Variants in OR7C1 observed in about 807,000 individuals in gnomAD.
The protein encoded by OR7C1 is olfactory receptor 7C1.
For missense variants in OR7C1, 324 were observed against 383.3 expected (o/e 0.85, Z 1.29); for synonymous variants, 152 against 160.7 (o/e 0.95, Z 0.41).
chr19:14,800,029 T>A, exon 5 of OR7C1: 1 of 1,614,002 alleles, frequency 6.2e-7, no homozygotes, highest in South Asian at 1.1e-5. Flanking sequence ...TGAAAGTGAC[T>A]AGGTACATGG....
intron 2 of OR7C1, among the ~76,000 whole-genome samples, chr19:14,806,149 T>C (rs771202490): frequency 5.3e-5 from 8 of 151,956 alleles, no homozygotes; most frequent in Non-Finnish European, 1.0e-4. Context: ...GGCTCCTGAA[T>C]ACCTGGGCAA....
chr19:14,813,636 G>A (rs551216344), intron 1 of OR7C1, among the ~76,000 whole-genome samples: 7 of 152,250 alleles, frequency 4.6e-5, no homozygotes, highest in African/African-American at 1.4e-4. Context: ...GACTGGGGAG[G>A]CCTCAGGAAA....
chr19:14,801,288 G>A (rs2044640683), intron 2 of OR7C1, among the ~76,000 whole-genome samples: 1 of 152,032 alleles, frequency 6.6e-6, no homozygotes. Context: ...ATTGTTCTCA[G>A]CTATTCCAAC....
chr19:14,806,230 A>T (rs942155019), intron 2 of OR7C1, among the ~76,000 whole-genome samples: 1 of 151,922 alleles, frequency 6.6e-6, no homozygotes, highest in Non-Finnish European at 1.5e-5. Context: ...AGCCTACATT[A>T]AGGAACATTT....
intron 1 of OR7C1, among the ~76,000 whole-genome samples, chr19:14,833,361 C>T (rs763947998): frequency 1.6e-4 from 24 of 152,216 alleles, no homozygotes; most frequent in Non-Finnish European, 2.8e-4. Flanking sequence ...TGCCTGCAGT[C>T]CAAGCTACTC....
exon 5 of OR7C1, chr19:14,800,004 T>G (rs1043459058): frequency 6.2e-7 from 1 of 1,613,918 alleles, no homozygotes; most frequent in African/African-American, 1.3e-5. Context: ...GCCAGGATGA[T>G]GAGCAGGTTC....
At chr19:14,803,664 C>T (rs1463033027) in intron 2 of OR7C1, among the ~76,000 whole-genome samples, 2 of 151,702 alleles carry the variant, frequency 1.3e-5, no homozygotes, top group African/African-American at 2.4e-5. Flanking sequence ...GGAAACCTTA[C>T]CAAGGACTTC....
At chr19:14,816,589 G>T (rs28409744) in intron 1 of OR7C1, among the ~76,000 whole-genome samples, 1 of 151,972 alleles carries the variant, frequency 6.6e-6, no homozygotes, top group Non-Finnish European at 1.5e-5. Flanking sequence ...GCCTTCAGCC[G>T]CAGACTGAAG....
chr19:14,811,946 AG>A (rs1322095660), intron 1 of OR7C1, among the ~76,000 whole-genome samples: 1 of 151,878 alleles, frequency 6.6e-6, no homozygotes, highest in African/African-American at 2.4e-5. Context: ...TCTGTGGCCC[AG>A]GGGTTGGGGA....
intron 1 of OR7C1, among the ~76,000 whole-genome samples, chr19:14,812,674 C>T (rs2044696975): frequency 3.3e-5 from 5 of 151,996 alleles, no homozygotes; most frequent in Admixed American, 3.3e-4. Context: ...CCTTCACTAT[C>T]TCGGTGTCTG....
chr19:14,806,783 A>T (rs1413198291), intron 2 of OR7C1, among the ~76,000 whole-genome samples: 1 of 151,972 alleles, frequency 6.6e-6, no homozygotes, highest in Non-Finnish European at 1.5e-5. Flanking sequence ...CCAGTCTATC[A>T]TCGATGGGCA....
At chr19:14,831,588 G>A (rs2044832830) in intron 1 of OR7C1, among the ~76,000 whole-genome samples, 3 of 152,020 alleles carry the variant, frequency 2.0e-5, no homozygotes, top group Admixed American at 2.0e-4. Context: ...GGCATTACAG[G>A]TGCCCGCCAC....
At chr19:14,799,552 A>C in exon 5 of OR7C1, 1 of 1,614,248 alleles carries the variant, frequency 6.2e-7, no homozygotes. Flanking sequence ...TCACCACGTT[A>C]TTAATGAAGG....
At chr19:14,811,527 A>T (rs1474426648) in intron 1 of OR7C1, among the ~76,000 whole-genome samples, 1 of 151,946 alleles carries the variant, frequency 6.6e-6, no homozygotes, top group Non-Finnish European at 1.5e-5. Flanking sequence ...AAGACTCTTC[A>T]TCCAAATAAG....
intron 2 of OR7C1, among the ~76,000 whole-genome samples, chr19:14,808,157 A>G (rs2044674748): frequency 6.6e-6 from 1 of 151,970 alleles, no homozygotes; most frequent in South Asian, 2.1e-4. Flanking sequence ...GGGACTGCTT[A>G]TGTGCTGTTG....
In OR7C1 at chr19:14,829,389, G is replaced by GA. The variant is rs113053798; in HGVS notation, c.-623+5684dup. ...CAGCTAATTTTGTATTTTTAGTAGAGACGGGGTTTCTCCATGTTGGTCAGG... is the reference window on the plus strand; with the variant it reads ...CAGCTAATTTTGTATTTTTAGTAGAGAACGGGGTTTCTCCATGTTGGTCAGG... On this transcript the variant is annotated intron_variant, in intron 1 of 4. Coordinates refer to ENST00000641666, the Ensembl canonical transcript of OR7C1. Among the ~76,000 whole-genome samples the GA allele has an allele frequency of 3.5e-3, 532 of 152,292 alleles. 3 individuals are homozygous for GA. Among genetic ancestry groups the GA allele is most frequent in the African/African-American group, 0.012 (511 of 41,572 alleles).
chr19:14,802,255 C>T (rs1402504655), intron 2 of OR7C1, among the ~76,000 whole-genome samples: 1 of 152,252 alleles, frequency 6.6e-6, no homozygotes, highest in African/African-American at 2.4e-5. Flanking sequence ...CGTGGTGGCT[C>T]ACGCCTGTAA....
At chr19:14,830,787 G>T (rs938880854) in intron 1 of OR7C1, among the ~76,000 whole-genome samples, 1 of 152,152 alleles carries the variant, frequency 6.6e-6, no homozygotes, top group African/African-American at 2.4e-5. Flanking sequence ...AAAAAGAGAA[G>T]ATAGATAAGC....
At chr19:14,818,715 T>G (rs2044727832) in intron 1 of OR7C1, among the ~76,000 whole-genome samples, 1 of 152,226 alleles carries the variant, frequency 6.6e-6, no homozygotes, top group African/African-American at 2.4e-5. Context: ...GTTCTTTTTG[T>G]ATTTATAGAT....
Sources: gnomAD v4.1 joint callset for allele counts (sites outside exome capture counted in the v4.1 genomes callset) on GRCh38, gnomAD v4.1.1 for gene constraint, MANE v1.5 for transcripts, NCBI Gene and HGNC (gene_info 2026-07-23, HGNC 2026-07-21) for gene names.